Variants in SOX5 observed in about 807,000 individuals in gnomAD.
SOX5 encodes the protein transcription factor SOX-5.
Under a neutral mutation model 92.0 loss-of-function variants are expected in SOX5, and 9 were observed. That is an observed-to-expected ratio of 0.10 (90% CI 0.06 to 0.17). The LOEUF (loss-of-function observed/expected upper bound fraction) is 0.17, where lower values mean the gene tolerates loss of function less well. Among genes scored for constraint, SOX5 ranks in the 10% least tolerant of loss-of-function variants. The pLI is 1.00. For synonymous variants in SOX5, 344 were observed against 336.3 expected (o/e 1.02, Z -0.25); for missense variants, 642 against 944.5 (o/e 0.68, Z 4.20).
chr12:24,253,445 T>C (rs74536235), intron 3 of SOX5, among the ~76,000 whole-genome samples: 3,300 of 152,196 alleles, frequency 0.022, 60 homozygotes, highest in South Asian at 0.07. Context: ...AAAGACACCA[T>C]TGATCCTTAT....
chr12:23,644,617 T>C (rs1002373029), intron 7 of SOX5, among the ~76,000 whole-genome samples: 1 of 152,114 alleles, frequency 6.6e-6, no homozygotes, highest in Non-Finnish European at 1.5e-5. Context: ...TGTAGAAAAA[T>C]TATACCATGC....
At chr12:24,410,270 T>C (rs995909699) in intron 1 of SOX5, among the ~76,000 whole-genome samples, 1 of 152,182 alleles carries the variant, frequency 6.6e-6, no homozygotes, top group Non-Finnish European at 1.5e-5. Flanking sequence ...AGTTCTGGGA[T>C]TGCAGGAGTG....
intron 2 of SOX5, among the ~76,000 whole-genome samples, chr12:23,869,409 T>C (rs1267911817): frequency 1.3e-5 from 2 of 152,158 alleles, no homozygotes; most frequent in Admixed American, 6.5e-5. Context: ...TCCACACACA[T>C]TTTCAAATCA....
intron 2 of SOX5, among the ~76,000 whole-genome samples, chr12:24,357,918 A>G (rs1270134385): frequency 6.6e-6 from 1 of 151,990 alleles, no homozygotes; most frequent in Non-Finnish European, 1.5e-5. Flanking sequence ...CACCAAACAA[A>G]TTTTCTATAT....
chr12:24,360,692 T>C (rs372180373), intron 2 of SOX5, among the ~76,000 whole-genome samples: 2 of 152,212 alleles, frequency 1.3e-5, no homozygotes, highest in East Asian at 1.9e-4. Flanking sequence ...TAGTGGTTCA[T>C]AGCGCAAGAG....
chr12:23,613,335 GAA>G (rs11312857), intron 8 of SOX5, among the ~76,000 whole-genome samples: 9 of 144,284 alleles, frequency 6.2e-5, no homozygotes, highest in Admixed American at 6.9e-5. Context: ...TATCAAAAGA[GAA>G]AAAAAAAAAA....
chr12:24,451,169 C>G (rs1020783739), intron 1 of SOX5, among the ~76,000 whole-genome samples: 2 of 152,178 alleles, frequency 1.3e-5, no homozygotes, highest in African/African-American at 4.8e-5. Flanking sequence ...TGTATAAGTA[C>G]CACATTTTCT....
chr12:24,526,808 A>G (rs1950752254), intron 1 of SOX5, among the ~76,000 whole-genome samples: 1 of 151,982 alleles, frequency 6.6e-6, no homozygotes, highest in Non-Finnish European at 1.5e-5. Context: ...CTTCTTATGA[A>G]ATTATCATAT....
chr12:24,066,585 ATAAC>A (rs963316351), intron 4 of SOX5, among the ~76,000 whole-genome samples: 3 of 152,228 alleles, frequency 2.0e-5, no homozygotes, highest in African/African-American at 7.2e-5. Context: ...CAGAAGGTAA[ATAAC>A]TAAAGAGTTA....
chr12:24,348,425 C>A (rs1953624056), intron 2 of SOX5, among the ~76,000 whole-genome samples: 1 of 150,868 alleles, frequency 6.6e-6, no homozygotes, highest in Admixed American at 6.6e-5. Context: ...CTCTGTTGCC[C>A]AGGCTGGAGA....
chr12:23,644,148 C>T (rs1314738998), intron 7 of SOX5, among the ~76,000 whole-genome samples: 5 of 152,220 alleles, frequency 3.3e-5, no homozygotes. Flanking sequence ...TGGTTGCCCA[C>T]ACCCTCTGTT....
intron 2 of SOX5, among the ~76,000 whole-genome samples, chr12:23,885,390 C>A (rs540174185): frequency 6.6e-6 from 1 of 152,224 alleles, no homozygotes; most frequent in East Asian, 1.9e-4. Flanking sequence ...TTTTTATTAA[C>A]CCTTCAAATA....
chr12:24,098,493 A>T (rs887260836), intron 4 of SOX5, among the ~76,000 whole-genome samples: 7 of 152,270 alleles, frequency 4.6e-5, no homozygotes, highest in East Asian at 3.9e-4. Flanking sequence ...AATAGACTCC[A>T]CCTGTAAATT....
chr12:24,238,343 C>T (rs751060345), intron 3 of SOX5, among the ~76,000 whole-genome samples: 38 of 152,090 alleles, frequency 2.5e-4, no homozygotes, highest in Non-Finnish European at 1.9e-4. Flanking sequence ...CTGCACTAGG[C>T]ACTTCACAAG....
chr12:24,386,974 A>C (rs922143893), intron 1 of SOX5, among the ~76,000 whole-genome samples: 1 of 152,230 alleles, frequency 6.6e-6, no homozygotes, highest in Admixed American at 6.5e-5. Flanking sequence ...AGGGCATATC[A>C]GTGGTTTATT....
intron 1 of SOX5, among the ~76,000 whole-genome samples, chr12:24,403,139 G>A (rs2136665597): frequency 6.6e-6 from 1 of 152,260 alleles, no homozygotes; most frequent in East Asian, 1.9e-4. Context: ...CTGAGCAGAT[G>A]TTCTTTCTTC....
At chr12:23,893,701 A>T (rs2097151089) in intron 2 of SOX5, among the ~76,000 whole-genome samples, 1 of 152,218 alleles carries the variant, frequency 6.6e-6, no homozygotes. Flanking sequence ...GAAAGAGGAC[A>T]GTGATGAAAG....
intron 9 of SOX5, among the ~76,000 whole-genome samples, chr12:23,601,342 G>A (rs1357626108): frequency 6.6e-6 from 1 of 152,120 alleles, no homozygotes; most frequent in Non-Finnish European, 1.5e-5. Context: ...ATACAACTCA[G>A]AGAACATGGT....
At chr12:23,733,401 C>T (rs2093465832) in intron 6 of SOX5, among the ~76,000 whole-genome samples, 1 of 152,112 alleles carries the variant, frequency 6.6e-6, no homozygotes, top group Admixed American at 6.5e-5. Context: ...GTTCAATGAA[C>T]AGTTTTAAAC....
Sources: allele counts gnomAD v4.1 joint callset (sites outside exome capture counted in the v4.1 genomes callset), GRCh38; gene constraint gnomAD v4.1.1; transcripts MANE v1.5; gene names NCBI Gene and HGNC (gene_info 2026-07-23, HGNC 2026-07-21).